OTOG: variants seen among roughly 807,000 people sequenced by gnomAD.
OTOG encodes otogelin.
Under a neutral mutation model 313.8 loss-of-function variants are expected in OTOG, and 296 were observed. The ratio of observed to expected loss-of-function variants is 0.94; its 90% CI spans 0.86 to 1.04. OTOG has a LOEUF of 1.04. Among genes scored for constraint, OTOG ranks in the 50% least tolerant of loss-of-function variants. OTOG has a pLI of 0.00. For synonymous variants in OTOG, 1,533 were observed against 1,554.9 expected, an observed-to-expected ratio of 0.99 and a Z score of 0.33; for missense variants, 3,948 against 3,840.1, an observed-to-expected ratio of 1.03 and a Z score of -0.74.
chr11:17,571,780 C>T (rs561130193), intron 17 of OTOG, among the ~76,000 whole-genome samples: 1 of 151,910 alleles, frequency 6.6e-6, no homozygotes, highest in African/African-American at 2.4e-5. Flanking sequence ...TGTGTGCGTG[C>T]GCGCACGCAT....
chr11:17,608,437 A>G (rs1315745259), intron 34 of OTOG, 24 bp downstream of exon 34: 6 of 1,481,890 alleles, frequency 4.0e-6, no homozygotes, highest in Non-Finnish European at 4.5e-6. Flanking sequence ...GGCTGTGGGC[A>G]TGGAGCCAAG....
intron 34 of OTOG, 59 bp from the exon 35 acceptor site, chr11:17,609,069 GAA>G: frequency 1.5e-6 from 2 of 1,363,742 alleles, no homozygotes; most frequent in Non-Finnish European, 2.0e-6. Context: ...TCAATCGAGA[GAA>G]AAAGAGATGG....
intron 40 of OTOG, among the ~76,000 whole-genome samples, chr11:17,629,903 G>A (rs1854075612): frequency 6.6e-6 from 1 of 152,118 alleles, no homozygotes; most frequent in Non-Finnish European, 1.5e-5. Context: ...CGGGGCATAA[G>A]CACATGGACA....
chr11:17,553,241 A>G (rs570817552), intron 5 of OTOG, 30 bp downstream of exon 5: 7 of 1,547,642 alleles, frequency 4.5e-6, no homozygotes, highest in Non-Finnish European at 6.1e-6. Context: ...CACCCCCAGG[A>G]AGGGACCTGG....
chr11:17,629,213 G>C lies in OTOG; in HGVS notation c.6609G>C (p.Met2203Ile). Residue 2203 changes from methionine (M) to isoleucine (I), a missense_variant, in exon 40 of 56, where the codon ATG (methionine) becomes ATC (isoleucine). By Grantham distance (10) the Met-to-Ile change is conservative (BLOSUM62 1). Coordinates refer to ENST00000399397, the MANE Select transcript of OTOG (RefSeq NM_001292063.2). ...TTGAGGACACAGGCCACATGTACATGATCCTGACTCCCTCAGACATCCAGA... is the reference window on the plus strand; with the variant it reads ...TTGAGGACACAGGCCACATGTACATCATCCTGACTCCCTCAGACATCCAGA... ...FRIEDTGHMY[M>I]ILTPSDIQIQ... 2 of 1,550,624 alleles carry C rather than the reference G, an allele frequency of 1.3e-6. No homozygotes were observed. The highest frequency in any genetic ancestry group is 1.7e-6 in the Non-Finnish European group (2 of 1,147,010).
intron 38 of OTOG, among the ~76,000 whole-genome samples, chr11:17,613,317 C>T (rs962890899): frequency 1.5e-4 from 22 of 148,826 alleles, no homozygotes. Context: ...TTCCCTCCCT[C>T]TCTGCCCTGC....
chr11:17,561,572 G>A, intron 14 of OTOG, 90 bp from the exon 15 acceptor site: 1 of 1,337,164 alleles, frequency 7.5e-7, no homozygotes, highest in South Asian at 1.3e-5. Context: ...TGGAGGGCAG[G>A]GTGCTGTGTC....
chr11:17,636,815 GCTGT>G (rs1854278451), intron 47 of OTOG, among the ~76,000 whole-genome samples: 1 of 151,886 alleles, frequency 6.6e-6, no homozygotes, highest in Non-Finnish European at 1.5e-5. Flanking sequence ...CCTCAGTTGG[GCTGT>G]CTACCAGCTG....
chr11:17,594,215 C>T, intron 28 of OTOG, 49 bp downstream of exon 28: 1 of 1,548,922 alleles, frequency 6.5e-7, no homozygotes, highest in Admixed American at 2.0e-5. Context: ...CAGATGGGCG[C>T]TGCCAGCACT....
chr11:17,553,145 G>A lies in OTOG; in HGVS notation c.319G>A (p.Glu107Lys), dbSNP rs553174068. 9 of 1,550,556 alleles carry A rather than the reference G, an allele frequency of 5.8e-6. No homozygotes were observed. Among genetic ancestry groups the A allele is most frequent in the Middle Eastern group, 1.7e-4 (1 of 5,992 alleles). ...SYLFSCFNGG[E>K]CVHPAFCDCR... The stretch of plus-strand genomic sequence containing the variant: ...CTTGTTCTCCTGCTTCAATGGAGGC[G>A]AGTGTGTGCACCCAGCCTTCTGTGA... The change falls in exon 5 of 56, where the codon GAG becomes AAG. Residue 107 changes from glutamate (E) to lysine (K), a missense_variant. Transcript: ENST00000399397.
intron 12 of OTOG, 91 bp downstream of exon 12, chr11:17,559,753 T>TGGAA (rs1445527974): frequency 8.2e-6 from 10 of 1,223,140 alleles, no homozygotes; most frequent in Non-Finnish European, 9.8e-6. Flanking sequence ...TACCTGTTTG[T>TGGAA]GGAAGGAAGG....
rs1403475481 is a variant in OTOG at position 17,577,656 on chromosome 11, A to T, written c.2606-717A>T. ...TGCATCCTCCCCATGTTTTGTGTAT[A>T]ATCCTGGAAGCGCTTTTCCTTTGGT... On this transcript the variant is annotated intron_variant, in intron 22 of 55. Transcript: ENST00000399397. 2.0e-5 allele frequency among the ~76,000 whole-genome samples: 3 copies of T among 151,940 alleles called. No individual in the cohort carries two copies. In the East Asian group the frequency reaches 5.8e-4, roughly 29 times the overall value.
chr11:17,638,355 TG>T (rs1373065891), intron 47 of OTOG, 95 bp from the exon 48 acceptor site: 2 of 1,058,588 alleles, frequency 1.9e-6, no homozygotes, highest in South Asian at 1.6e-5. Flanking sequence ...AAGGAGGAGC[TG>T]GGGGTAGCCT....
Position 17,631,828 on chromosome 11 carries a change from A to C in OTOG, c.6839A>C (p.Gln2280Pro). The C allele has an allele frequency of 6.4e-7, 1 of 1,550,604 alleles. No homozygotes were observed. Among genetic ancestry groups the C allele is most frequent in the Non-Finnish European group, 8.7e-7 (1 of 1,146,996 alleles). Residue 2280 changes from glutamine (Q) to proline (P), a missense_variant, in exon 41 of 56, where the codon CAG becomes CCG. Physicochemically the swap from Gln to Pro is moderately conservative, Grantham distance 76. Coordinates refer to ENST00000399397, the MANE Select transcript of OTOG (RefSeq NM_001292063.2). ...CCCAGCTCCCTGACCTCAGTGGGCC[A>C]GACCCGCTTCCGCCCAGACAGCTGC... ...QVPSSLTSVG[Q>P]TRFRPDSCAT...
intron 32 of OTOG, among the ~76,000 whole-genome samples, chr11:17,603,346 C>T (rs1341542151): frequency 6.6e-6 from 1 of 152,206 alleles, no homozygotes; most frequent in African/African-American, 2.4e-5. Context: ...AAGGGTGTCT[C>T]ACCACCTTCC....
intron 37 of OTOG, 38 bp downstream of exon 37, chr11:17,612,368 C>G: frequency 6.7e-7 from 1 of 1,493,542 alleles, no homozygotes; most frequent in Non-Finnish European, 8.9e-7. Context: ...TGCATCCTCC[C>G]TGTATCCTTA....
intron 27 of OTOG, 127 bp from the exon 28 acceptor site, chr11:17,593,920 C>T: frequency 7.0e-7 from 1 of 1,420,164 alleles, no homozygotes; most frequent in Non-Finnish European, 9.5e-7. Context: ...CTCCATCCCT[C>T]TTCAAACTGT....
intron 23 of OTOG, among the ~76,000 whole-genome samples, chr11:17,581,456 T>C (rs1852663543): frequency 6.6e-6 from 1 of 152,168 alleles, no homozygotes; most frequent in South Asian, 2.1e-4. Context: ...AGCTCAGAGA[T>C]GACAGAGATT....
rs188778961 is a variant in OTOG at position 17,553,692 on chromosome 11, C to A, written c.540+173C>A. Reference sequence around the variant, plus strand: ...GGAAGGAGCTGGGGACTCCACAGCTCTCGCTCACCCACTCACCCTGGCCAT... The same window carrying A: ...GGAAGGAGCTGGGGACTCCACAGCTATCGCTCACCCACTCACCCTGGCCAT... On this transcript the variant is annotated intron_variant, in intron 6 of 55. Coordinates refer to ENST00000399397, the MANE Select transcript of OTOG (RefSeq NM_001292063.2). 5.2e-3 allele frequency among the ~76,000 whole-genome samples: 799 copies of A among 152,350 alleles called. 4 individuals are homozygous for A. The highest frequency in any genetic ancestry group is 7.1e-3 in the Non-Finnish European group (483 of 68,038).
Sources: allele counts gnomAD v4.1 joint callset (sites outside exome capture counted in the v4.1 genomes callset), GRCh38; gene constraint gnomAD v4.1.1; transcripts MANE v1.5; gene names NCBI Gene and HGNC (gene_info 2026-07-23, HGNC 2026-07-21).